SLC39A9: variants seen among roughly 807,000 people sequenced by gnomAD.
The protein encoded by SLC39A9 is zinc transporter ZIP9.
Under a neutral mutation model 28.4 loss-of-function variants are expected in SLC39A9, and 14 were observed. The observed-to-expected ratio is 0.49, with a 90% CI of 0.33 to 0.77. The LOEUF (loss-of-function observed/expected upper bound fraction) is 0.77. Among genes scored for constraint, SLC39A9 ranks in the 30% least tolerant of loss-of-function variants. SLC39A9 has a pLI of 0.02. For missense variants in SLC39A9, 283 were observed against 381.1 expected (o/e 0.74, Z 2.14); for synonymous variants, 119 against 149.6 (o/e 0.80, Z 1.49).
intron 2 of SLC39A9, among the ~76,000 whole-genome samples, chr14:69,436,885 G>C (rs1009550776): frequency 6.6e-6 from 1 of 152,176 alleles, no homozygotes; most frequent in South Asian, 2.1e-4. Context: ...AGTAACAGCA[G>C]AAAAGGCAGA....
chr14:69,428,138 C>T (rs1226388992), intron 2 of SLC39A9, among the ~76,000 whole-genome samples: 6 of 152,010 alleles, frequency 3.9e-5, no homozygotes, highest in African/African-American at 7.3e-5. Flanking sequence ...ATTAGCTAGG[C>T]GTGCTGGCGC....
At chr14:69,453,382 G>T in intron 4 of SLC39A9, 73 bp downstream of exon 4, 1 of 1,423,202 alleles carries the variant, frequency 7.0e-7, no homozygotes, top group South Asian at 1.2e-5. Flanking sequence ...ATATTTCAGG[G>T]ACCGTCCTCA....
At position 69,458,497 on chromosome 14, in the gene SLC39A9, T is replaced by G; in HGVS notation, c.828T>G (p.Asp276Glu). 6.2e-7 allele frequency: 1 copy of G among 1,614,258 alleles called. No individual in the cohort carries two copies. The highest frequency in any genetic ancestry group is 8.5e-7 in the Non-Finnish European group (1 of 1,180,046). ...GAATAGGGCACAGCCACAAGCCCGATGCCACGGGAGGGAGAGGCCTCAGCC... is the reference window on the plus strand; with the variant it reads ...GAATAGGGCACAGCCACAAGCCCGAGGCCACGGGAGGGAGAGGCCTCAGCC... Reference protein sequence around the residue: ...VGGIGHSHKPDATGGRGLSRL... With the variant: ...VGGIGHSHKPEATGGRGLSRL... Residue 276 changes from aspartate to glutamate, a missense_variant, in exon 7 of 7, where the codon GAT (aspartate) becomes GAG (glutamate). Coordinates refer to ENST00000336643, the MANE Select transcript of SLC39A9 (RefSeq NM_018375.5).
At chr14:69,441,749 C>G (rs1436218165) in intron 2 of SLC39A9, 1 of 1,015,462 alleles carries the variant, frequency 9.8e-7, no homozygotes, top group African/African-American at 1.7e-5. Context: ...GCATGAATTT[C>G]TCAGATAAAG....
intron 1 of SLC39A9, among the ~76,000 whole-genome samples, chr14:69,406,890 G>A (rs1435659510): frequency 2.6e-5 from 3 of 113,564 alleles, no homozygotes; most frequent in Admixed American, 1.2e-4. Flanking sequence ...TTGCTCTGTC[G>A]CCCAGGCTGG....
intron 3 of SLC39A9, among the ~76,000 whole-genome samples, chr14:69,442,950 T>C (rs1229151216): frequency 6.6e-6 from 1 of 152,240 alleles, no homozygotes; most frequent in East Asian, 1.9e-4. Context: ...CTTACAAATG[T>C]ACCTAAACAC....
rs1886043304 is a variant in SLC39A9, at chr14:69,459,914, C to A, written c.*1321C>A. On this transcript the variant is annotated 3_prime_UTR_variant, in exon 7 of 7. Coordinates refer to ENST00000336643, the MANE Select transcript of SLC39A9 (RefSeq NM_018375.5). Reference sequence around the variant, plus strand: ...TCTTTATCCCCCTTCAAAGAAATTACCTTTGTGTCAAATGCCGCTTTGTTG... The same window carrying A: ...TCTTTATCCCCCTTCAAAGAAATTAACTTTGTGTCAAATGCCGCTTTGTTG... 5 of 985,432 alleles carry A rather than the reference C, an allele frequency of 5.1e-6. No homozygotes were observed. Among genetic ancestry groups the A allele is most frequent in the Non-Finnish European group, 6.0e-6 (5 of 829,872 alleles). 61.0% of individuals were successfully genotyped at this position (985,432 alleles called of 1,614,324 possible).
rs576104188 is a variant in SLC39A9, at chr14:69,413,264, G to A, written c.97-10830G>A. Among the ~76,000 whole-genome samples, 13 of 152,196 alleles carry A rather than the reference G, an allele frequency of 8.5e-5. No individual in the cohort carries two copies. The South Asian group carries it at 1.9e-3, about 22-fold the overall frequency. The stretch of plus-strand genomic sequence containing the variant: ...CCAGCTACTCGGGAGGCTGAGGCAG[G>A]AGAATGGCATGAACCCGGGAGGTGG... On this transcript the variant is annotated intron_variant, in intron 1 of 6. Coordinates refer to ENST00000336643, the MANE Select transcript of SLC39A9 (RefSeq NM_018375.5).
chr14:69,430,564 A>G (rs1884435642), intron 2 of SLC39A9, among the ~76,000 whole-genome samples: 1 of 150,728 alleles, frequency 6.6e-6, no homozygotes, highest in Admixed American at 6.6e-5. Context: ...CGTTGTCTTG[A>G]TGTAGCTTTA....
At chr14:69,430,457 C>T (rs913990687) in intron 2 of SLC39A9, among the ~76,000 whole-genome samples, 10 of 151,984 alleles carry the variant, frequency 6.6e-5, no homozygotes, top group Non-Finnish European at 1.3e-4. Context: ...TATCTTTGCA[C>T]TTTTGTCAAA....
chr14:69,441,998 A>G (rs1250629400), intron 2 of SLC39A9, 71 bp from the exon 3 acceptor site: 21 of 1,540,038 alleles, frequency 1.4e-5, no homozygotes, highest in Admixed American at 7.8e-5. Flanking sequence ...AATACAAAGA[A>G]TGGAAACTCC....
intron 1 of SLC39A9, among the ~76,000 whole-genome samples, chr14:69,420,449 C>T (rs979390487): frequency 1.3e-5 from 2 of 152,158 alleles, no homozygotes; most frequent in African/African-American, 4.8e-5. Context: ...TTCATTTCAA[C>T]CTTGGTGAAT....
chr14:69,427,681 C>A (rs1446969064), intron 2 of SLC39A9, among the ~76,000 whole-genome samples: 1 of 152,126 alleles, frequency 6.6e-6, no homozygotes, highest in Non-Finnish European at 1.5e-5. Context: ...AATCATGTAA[C>A]CTTTGGGTCT....
intron 2 of SLC39A9, among the ~76,000 whole-genome samples, chr14:69,428,147 G>A (rs934377858): frequency 2.6e-5 from 4 of 151,972 alleles, no homozygotes; most frequent in Non-Finnish European, 5.9e-5. Flanking sequence ...GCGTGCTGGC[G>A]CATGTCTGTA....
intron 4 of SLC39A9, among the ~76,000 whole-genome samples, chr14:69,453,648 T>C (rs1885723571): frequency 1.3e-5 from 2 of 152,150 alleles, no homozygotes; most frequent in African/African-American, 4.8e-5. Context: ...GTGAATTTGA[T>C]TAGGGAAAAA....
chr14:69,447,423 G>C (rs1885382500), intron 3 of SLC39A9, among the ~76,000 whole-genome samples: 1 of 152,188 alleles, frequency 6.6e-6, no homozygotes, highest in Admixed American at 6.5e-5. Flanking sequence ...AACTCTGATA[G>C]AAAACTCAGT....
At chr14:69,430,628 CTT>C (rs71446389) in intron 2 of SLC39A9, among the ~76,000 whole-genome samples, 1 of 137,736 alleles carries the variant, frequency 7.3e-6, no homozygotes, top group Non-Finnish European at 1.5e-5. Flanking sequence ...ATTTTTCTTT[CTT>C]TTTTTTTTTT....
At chr14:69,427,424 T>C (rs1884257409) in intron 2 of SLC39A9, among the ~76,000 whole-genome samples, 2 of 152,324 alleles carry the variant, frequency 1.3e-5, no homozygotes, top group South Asian at 4.1e-4. Context: ...CCCTAAGTCA[T>C]TTAAATTTTT....
At chr14:69,446,653 A>T (rs2139435643) in intron 3 of SLC39A9, among the ~76,000 whole-genome samples, 1 of 152,024 alleles carries the variant, frequency 6.6e-6, no homozygotes, top group Middle Eastern at 3.4e-3. Context: ...CGGGTGCATC[A>T]CCTGAGGTCA....
Sources: gnomAD v4.1 joint callset for allele counts (sites outside exome capture counted in the v4.1 genomes callset) on GRCh38, gnomAD v4.1.1 for gene constraint, MANE v1.5 for transcripts, NCBI Gene and HGNC (gene_info 2026-07-23, HGNC 2026-07-21) for gene names.